The following ITGBL1 variants were observed in gnomAD, a reference collection of about 807,000 sequenced individuals.
The protein encoded by ITGBL1 is integrin beta-like protein 1.
A neutral mutation model predicts 68.5 loss-of-function variants in ITGBL1; 51 were observed. The observed-to-expected ratio is 0.74, with a 90% CI of 0.59 to 0.94. ITGBL1 has a LOEUF of 0.94. ITGBL1 is among the 40% of genes least tolerant of loss of function. ITGBL1 has a pLI of 0.00. For missense variants in ITGBL1, 649 were observed against 647.4 expected (o/e 1.00, Z -0.03); for synonymous variants, 209 against 227.3 (o/e 0.92, Z 0.72).
At chr13:101,632,978 T>C (rs980555082) in intron 7 of ITGBL1, among the ~76,000 whole-genome samples, 4 of 152,224 alleles carry the variant, frequency 2.6e-5, no homozygotes, top group Non-Finnish European at 4.4e-5. Context: ...CAGATTTAGC[T>C]GGACTGGAAT....
At chr13:101,508,137 C>A (rs551069279) in intron 2 of ITGBL1, among the ~76,000 whole-genome samples, 1 of 152,260 alleles carries the variant, frequency 6.6e-6, no homozygotes. Context: ...GCATTAGTGG[C>A]AATCTGTAAT....
chr13:101,704,435 A>G (rs969933562), intron 8 of ITGBL1, among the ~76,000 whole-genome samples: 5 of 150,022 alleles, frequency 3.3e-5, no homozygotes, highest in African/African-American at 1.2e-4. Flanking sequence ...AGATTAAAAA[A>G]GATGATTAAA....
intron 7 of ITGBL1, among the ~76,000 whole-genome samples, chr13:101,600,834 G>C (rs1001938064): frequency 1.3e-5 from 2 of 152,164 alleles, no homozygotes; most frequent in East Asian, 1.9e-4. Flanking sequence ...GCTGGTTTCG[G>C]TTTGCCAGTA....
At chr13:101,667,824 A>G (rs2139494261) in intron 7 of ITGBL1, among the ~76,000 whole-genome samples, 1 of 152,104 alleles carries the variant, frequency 6.6e-6, no homozygotes, top group Admixed American at 6.5e-5. Context: ...AATCTGGCAT[A>G]GTTGGCCAGA....
At chr13:101,547,503 G>T (rs1353213537) in intron 2 of ITGBL1, among the ~76,000 whole-genome samples, 1 of 151,454 alleles carries the variant, frequency 6.6e-6, no homozygotes, top group East Asian at 1.9e-4. Flanking sequence ...AAAGAGTGTT[G>T]CAAATAAAAA....
At chr13:101,495,225 G>C (rs996158425) in intron 2 of ITGBL1, among the ~76,000 whole-genome samples, 2 of 152,170 alleles carry the variant, frequency 1.3e-5, no homozygotes, top group Non-Finnish European at 1.5e-5. Context: ...TAGCAGGAAT[G>C]GTGGCTGAGA....
At chr13:101,702,920 G>A (rs1183559829) in intron 8 of ITGBL1, among the ~76,000 whole-genome samples, 3 of 152,114 alleles carry the variant, frequency 2.0e-5, no homozygotes, top group African/African-American at 7.2e-5. Flanking sequence ...GGGGCGTAGG[G>A]GTGCCAGTTT....
intron 2 of ITGBL1, among the ~76,000 whole-genome samples, chr13:101,544,027 T>C (rs1325023354): frequency 6.6e-6 from 1 of 152,184 alleles, no homozygotes; most frequent in Non-Finnish European, 1.5e-5. Flanking sequence ...AGTAGTTTGA[T>C]TGTCTGACGC....
chr13:101,594,051 C>T (rs886803307), intron 6 of ITGBL1, among the ~76,000 whole-genome samples: 2 of 152,016 alleles, frequency 1.3e-5, no homozygotes, highest in African/African-American at 4.8e-5. Flanking sequence ...TTTTTAACCT[C>T]TCCTAGCATT....
chr13:101,596,502 C>T (rs1195730215), intron 6 of ITGBL1, among the ~76,000 whole-genome samples: 1 of 152,122 alleles, frequency 6.6e-6, no homozygotes, highest in Non-Finnish European at 1.5e-5. Flanking sequence ...TTGTGGTAAT[C>T]ATTTCACAAT....
intron 2 of ITGBL1, among the ~76,000 whole-genome samples, chr13:101,454,408 C>G (rs950597465): frequency 4.1e-5 from 6 of 146,472 alleles, no homozygotes; most frequent in South Asian, 2.2e-4. Context: ...GTCCCCCCCC[C>G]CCCCCCCAAC....
At chr13:101,506,259 C>G (rs1478784265) in intron 2 of ITGBL1, among the ~76,000 whole-genome samples, 1 of 152,000 alleles carries the variant, frequency 6.6e-6, no homozygotes, top group Non-Finnish European at 1.5e-5. Context: ...AGGCATATCT[C>G]TCTACATTTT....
intron 2 of ITGBL1, among the ~76,000 whole-genome samples, chr13:101,516,993 G>A (rs2049205856): frequency 6.6e-6 from 1 of 152,120 alleles, no homozygotes; most frequent in African/African-American, 2.4e-5. Context: ...ACATTTATTT[G>A]CAAAGGTTTC....
intron 2 of ITGBL1, among the ~76,000 whole-genome samples, chr13:101,472,545 T>C (rs1451790756): frequency 6.6e-6 from 1 of 152,206 alleles, no homozygotes; most frequent in Non-Finnish European, 1.5e-5. Context: ...ATTATTCAGA[T>C]TTCTGTTTTG....
chr13:101,698,758 A>G (rs1318899678), intron 8 of ITGBL1, among the ~76,000 whole-genome samples: 4 of 152,228 alleles, frequency 2.6e-5, no homozygotes, highest in African/African-American at 9.6e-5. Context: ...CAAGTGAAAT[A>G]TATTCACATA....
At chr13:101,689,923 T>A (rs2033846396) in intron 7 of ITGBL1, among the ~76,000 whole-genome samples, 1 of 152,206 alleles carries the variant, frequency 6.6e-6, no homozygotes, top group South Asian at 2.1e-4. Flanking sequence ...ACTGTAGTCA[T>A]CCTATTGTGC....
intron 7 of ITGBL1, among the ~76,000 whole-genome samples, chr13:101,655,934 G>C (rs2032906987): frequency 6.6e-6 from 1 of 152,128 alleles, no homozygotes; most frequent in Non-Finnish European, 1.5e-5. Flanking sequence ...GAGACCCTGA[G>C]AACATGTGTC....
At chr13:101,588,304 T>TGTGTGTGTGC (rs1054923189) in intron 6 of ITGBL1, among the ~76,000 whole-genome samples, 4 of 151,884 alleles carry the variant, frequency 2.6e-5, no homozygotes, top group African/African-American at 9.7e-5. Context: ...CCATTGTGTG[T>TGTGTGTGTGC]GTGTGTGTGT....
At chr13:101,703,264 G>A (rs1430708218) in intron 8 of ITGBL1, among the ~76,000 whole-genome samples, 1 of 152,120 alleles carries the variant, frequency 6.6e-6, no homozygotes, top group Non-Finnish European at 1.5e-5. Flanking sequence ...CAGAAGGGTA[G>A]TCGCTTTTTG....
Sources: gnomAD v4.1 joint callset for allele counts (sites outside exome capture counted in the v4.1 genomes callset) on GRCh38, gnomAD v4.1.1 for gene constraint, MANE v1.5 for transcripts, NCBI Gene and HGNC (gene_info 2026-07-23, HGNC 2026-07-21) for gene names.